FRMD4A: variants seen among roughly 807,000 people sequenced by gnomAD.
FRMD4A encodes the protein FERM domain-containing protein 4A.
In FRMD4A, 29 loss-of-function variants were observed where a neutral mutation model predicts 129.1. The ratio of observed to expected loss-of-function variants is 0.22; its 90% confidence interval spans 0.17 to 0.31. The LOEUF (loss-of-function observed/expected upper bound fraction) is 0.31, where lower values mean the gene tolerates loss of function less well. Among genes scored for constraint, FRMD4A ranks in the 10% least tolerant of loss-of-function variants. The pLI is 1.00. For missense variants in FRMD4A, 1,272 were observed against 1,375.8 expected (o/e 0.92, Z 1.19); for synonymous variants, 634 against 571.6 (o/e 1.11, Z -1.56).
At chr10:13,724,865 C>G (rs2089769518) in intron 12 of FRMD4A, among the ~76,000 whole-genome samples, 1 of 152,200 alleles carries the variant, frequency 6.6e-6, no homozygotes, top group Non-Finnish European at 1.5e-5. Flanking sequence ...GTGTGGGAAG[C>G]AGATGAATCC....
intron 2 of FRMD4A, among the ~76,000 whole-genome samples, chr10:13,971,171 C>T (rs2095515867): frequency 6.6e-6 from 1 of 152,164 alleles, no homozygotes; most frequent in South Asian, 2.1e-4. Context: ...CAGGCACACA[C>T]ATGCATGCAC....
intron 2 of FRMD4A, among the ~76,000 whole-genome samples, chr10:14,163,733 T>C (rs1473041350): frequency 6.6e-6 from 1 of 152,100 alleles, no homozygotes; most frequent in Non-Finnish European, 1.5e-5. Flanking sequence ...AGCAGACAGG[T>C]CTGGCCCGAA....
intron 2 of FRMD4A, among the ~76,000 whole-genome samples, chr10:13,922,455 C>T (rs1733830877): frequency 6.6e-6 from 1 of 152,006 alleles, no homozygotes; most frequent in African/African-American, 2.4e-5. Context: ...AAGTAAAACA[C>T]AAAGAGGTTA....
At chr10:14,209,466 G>A (rs1198787712) in intron 2 of FRMD4A, among the ~76,000 whole-genome samples, 1 of 152,040 alleles carries the variant, frequency 6.6e-6, no homozygotes, top group African/African-American at 2.4e-5. Flanking sequence ...AAGGAAAGTG[G>A]TGGGCATGGT....
chr10:14,220,480 G>A (rs1239888614), intron 2 of FRMD4A, among the ~76,000 whole-genome samples: 1 of 152,200 alleles, frequency 6.6e-6, no homozygotes, highest in Non-Finnish European at 1.5e-5. Context: ...GGGGTGCCAG[G>A]ATGACCCCAT....
At chr10:13,689,198 C>CGGGGGGGTGGGGGGG (rs2085398998) in intron 15 of FRMD4A, among the ~76,000 whole-genome samples, 2 of 68,028 alleles carry the variant, frequency 2.9e-5, no homozygotes, top group Non-Finnish European at 6.4e-5. Flanking sequence ...AAACTCTTTG[C>CGGGGGGGTGGGGGGG]GGGGGGGGGG....
intron 13 of FRMD4A, among the ~76,000 whole-genome samples, chr10:13,705,246 T>C (rs1266925787): frequency 6.6e-6 from 1 of 152,176 alleles, no homozygotes; most frequent in Non-Finnish European, 1.5e-5. Context: ...ACAGGCCCAC[T>C]GAATAGTCAC....
chr10:13,789,513 A>ACAT (rs2092943191), intron 5 of FRMD4A, among the ~76,000 whole-genome samples: 1 of 151,906 alleles, frequency 6.6e-6, no homozygotes, highest in South Asian at 2.1e-4. Context: ...AATAATCCAG[A>ACAT]CATGTAGGCT....
intron 2 of FRMD4A, chr10:14,326,489 T>G (rs1843280979): frequency 5.7e-6 from 1 of 175,590 alleles, no homozygotes; most frequent in Non-Finnish European, 1.2e-5. Context: ...AAAAATAGGG[T>G]CATGGATGGA....
At chr10:13,915,636 C>T (rs1489291642) in intron 2 of FRMD4A, among the ~76,000 whole-genome samples, 1 of 149,766 alleles carries the variant, frequency 6.7e-6, no homozygotes, top group Non-Finnish European at 1.5e-5. Flanking sequence ...CACGCCACTG[C>T]ACTCCAGACT....
intron 2 of FRMD4A, among the ~76,000 whole-genome samples, chr10:13,958,286 T>A (rs1411994229): frequency 6.9e-6 from 1 of 144,422 alleles, no homozygotes; most frequent in Non-Finnish European, 1.5e-5. Context: ...CCATTGTTTT[T>A]TTTTTTTTTT....
chr10:14,022,631 G>T (rs756685007), intron 2 of FRMD4A, among the ~76,000 whole-genome samples: 3 of 152,144 alleles, frequency 2.0e-5, no homozygotes, highest in Non-Finnish European at 4.4e-5. Flanking sequence ...GGGGAGGTTG[G>T]GCTAGAGATG....
At chr10:14,094,064 T>C (rs2131758560) in intron 2 of FRMD4A, among the ~76,000 whole-genome samples, 1 of 152,352 alleles carries the variant, frequency 6.6e-6, no homozygotes, top group East Asian at 1.9e-4. Context: ...ATTCGACCCA[T>C]CAGAGCAGAA....
chr10:14,328,373 G>GC lies in FRMD4A; in HGVS notation c.45+1684_45+1685insG, dbSNP rs888375819. On this transcript the variant is annotated intron_variant, in intron 2 of 24. Transcript: ENST00000357447. Reference sequence around the variant, plus strand: ...GAGCCTGTGTGTGTGTGTGGGTGGGGGGGGGGGGTGTATAACAGCAGAAAT... The same window carrying GC: ...GAGCCTGTGTGTGTGTGTGGGTGGGGCGGGGGGGGTGTATAACAGCAGAAAT... Among the ~76,000 whole-genome samples the GC allele has an allele frequency of 7.4e-5, 9 of 122,092 alleles. No individual in the cohort carries two copies. The East Asian group carries it at 8.2e-4, about 11-fold the overall frequency. 80.1% of individuals were successfully genotyped at this position (122,092 alleles called of 152,430 possible).
intron 2 of FRMD4A, among the ~76,000 whole-genome samples, chr10:14,273,366 C>T (rs565348721): frequency 7.2e-5 from 11 of 152,238 alleles, no homozygotes; most frequent in African/African-American, 9.6e-5. Context: ...AAAGTAGGGA[C>T]GCCCCTTTAT....
rs375475133 is a variant in FRMD4A, at chr10:13,958,715, A to G, written c.46-99803T>C. 3.8e-4 allele frequency among the ~76,000 whole-genome samples: 58 copies of G among 151,638 alleles called. No homozygotes were observed. The South Asian group carries it at 6.7e-3, about 17-fold the overall frequency. ...ATTCTCCTGCCTCAGCCTCCCGAGGAGCTGGGATTACAGGCATGCACCCCC... is the reference window on the plus strand; with the variant it reads ...ATTCTCCTGCCTCAGCCTCCCGAGGGGCTGGGATTACAGGCATGCACCCCC... On this transcript the variant is annotated intron_variant, in intron 2 of 24. Coordinates refer to ENST00000357447, the MANE Select transcript of FRMD4A (RefSeq NM_018027.5).
chr10:13,981,672 G>C (rs567737471), intron 2 of FRMD4A, among the ~76,000 whole-genome samples: 11 of 150,632 alleles, frequency 7.3e-5, no homozygotes, highest in African/African-American at 2.7e-4. Flanking sequence ...TCCGGAGGCG[G>C]AGGTTGTAGT....
At chr10:13,914,975 C>T (rs1460727785) in intron 2 of FRMD4A, among the ~76,000 whole-genome samples, 1 of 152,180 alleles carries the variant, frequency 6.6e-6, no homozygotes, top group African/African-American at 2.4e-5. Context: ...GAATGCACCA[C>T]TGCACTCCAG....
intron 2 of FRMD4A, among the ~76,000 whole-genome samples, chr10:13,962,416 TG>T (rs2095451730): frequency 6.6e-6 from 1 of 152,258 alleles, no homozygotes; most frequent in African/African-American, 2.4e-5. Context: ...TGCATATATA[TG>T]GTTTTTTTAG....
Sources: gnomAD v4.1 joint callset for allele counts (sites outside exome capture counted in the v4.1 genomes callset) on GRCh38, gnomAD v4.1.1 for gene constraint, MANE v1.5 for transcripts, NCBI Gene and HGNC (gene_info 2026-07-23, HGNC 2026-07-21) for gene names.